Variants in CRABP1 observed in about 807,000 individuals in gnomAD.
CRABP1 encodes the protein cellular retinoic acid binding protein 1, also known as cellular retinoic acid-binding protein 1.
Under a neutral mutation model 16.4 loss-of-function variants are expected in CRABP1, and 9 were observed. The ratio of observed to expected loss-of-function variants is 0.55; its 90% confidence interval spans 0.33 to 0.96. The LOEUF (loss-of-function observed/expected upper bound fraction) is 0.96. CRABP1 is among the 40% of genes least tolerant of loss of function. The pLI, the probability that CRABP1 is intolerant of heterozygous loss-of-function variation, is 0.03. For missense variants in CRABP1, 157 were observed against 186.0 expected (o/e 0.84, Z 0.91); for synonymous variants, 72 against 70.4 (o/e 1.02, Z -0.11).
At chr15:78,344,664 T>C (rs1233416718) in intron 3 of CRABP1, among the ~76,000 whole-genome samples, 1 of 149,930 alleles carries the variant, frequency 6.7e-6, no homozygotes, top group East Asian at 2.0e-4. Context: ...GATTGGTGGC[T>C]CACACCTGTA....
intron 1 of CRABP1, 139 bp from the exon 2 acceptor site, chr15:78,340,904 G>A (rs564293359): frequency 3.3e-6 from 3 of 900,692 alleles, no homozygotes; most frequent in Admixed American, 2.8e-5. Flanking sequence ...CTCTCATCTC[G>A]AAAACAAGGG....
rs1482960191 is a variant in CRABP1 at position 78,341,777 on chromosome 15, G to C, written c.249+556G>C. The stretch of plus-strand genomic sequence containing the variant: ...CTTTCCAAAAGCAAGGCAGGTTCTG[G>C]CTGGGAAAATGGACTAGTTGCCCTC... On this transcript the variant is annotated intron_variant, in intron 2 of 3. Transcript: ENST00000299529. The surrounding 1 kb of genome is among the most constrained non-coding windows in gnomAD (Gnocchi z 5.3). 5.9e-6 allele frequency: 1 copy of C among 170,844 alleles called. No homozygotes were observed. Among genetic ancestry groups the C allele is most frequent in the Non-Finnish European group, 1.3e-5 (1 of 78,616 alleles). 10.6% of individuals were successfully genotyped at this position (170,844 alleles called of 1,614,324 possible). A position where few individuals can be genotyped will look rare whatever the true frequency, so the allele number is the denominator to read the frequency against.
intron 3 of CRABP1, among the ~76,000 whole-genome samples, chr15:78,344,290 G>A (rs111413494): frequency 0.015 from 2,249 of 152,110 alleles, 58 homozygotes; most frequent in African/African-American, 0.052. Context: ...GAGAAACCCC[G>A]TCTCTACTAA....
intron 3 of CRABP1, among the ~76,000 whole-genome samples, chr15:78,345,639 T>G (rs1458706625): frequency 6.6e-6 from 1 of 152,184 alleles, no homozygotes; most frequent in Admixed American, 6.5e-5. Flanking sequence ...TTCTGCTAGA[T>G]GGACCCCATC....
intron 3 of CRABP1, among the ~76,000 whole-genome samples, chr15:78,344,316 C>T (rs879762301): frequency 2.0e-5 from 3 of 152,040 alleles, no homozygotes; most frequent in Non-Finnish European, 2.9e-5. Flanking sequence ...CAAAATTAGC[C>T]GGGCGTGGTG....
intron 1 of CRABP1, 81 bp from the exon 2 acceptor site, chr15:78,340,962 T>G: frequency 7.1e-7 from 1 of 1,403,144 alleles, no homozygotes; most frequent in Non-Finnish European, 9.6e-7. Flanking sequence ...CTTTCTAAAG[T>G]TAGGGTATGA....
At chr15:78,344,234 G>A (rs188089783) in intron 3 of CRABP1, among the ~76,000 whole-genome samples, 65 of 152,264 alleles carry the variant, frequency 4.3e-4, no homozygotes, top group African/African-American at 1.6e-3. Context: ...GCCAAAGCGG[G>A]TGGATCACCT....
At position 78,341,424 on chromosome 15, in the gene CRABP1, C is replaced by G. The variant is rs562464689; in HGVS notation, c.249+203C>G. The stretch of plus-strand genomic sequence containing the variant: ...AAGTATTACCTTCATTCCATCTCAA[C>G]CCCATCCCTACGCTGCCTCCCGGGG... On this transcript the variant is annotated intron_variant, in intron 2 of 3. Transcript: ENST00000299529. This position sits in a 1 kb window ranked among gnomAD's most constrained non-coding sequence, Gnocchi z 5.3. 1.6e-6 allele frequency: 1 copy of G among 623,366 alleles called. No homozygotes were observed. Among genetic ancestry groups the G allele is most frequent in the Admixed American group, 2.5e-5 (1 of 40,052 alleles). 38.6% of individuals were successfully genotyped at this position (623,366 alleles called of 1,614,324 possible). A position where few individuals can be genotyped will look rare whatever the true frequency, so the allele number is the denominator to read the frequency against.
chr15:78,343,716 AC>A (rs2050248809), intron 3 of CRABP1, 104 bp downstream of exon 3: 1 of 767,028 alleles, frequency 1.3e-6, no homozygotes, highest in Non-Finnish European at 2.2e-6. Context: ...AGAGAAAGAC[AC>A]CATTTGCCCT....
rs982780008 is a variant in CRABP1, at chr15:78,340,423, G to A, written c.-6G>A. The A allele has an allele frequency of 1.3e-6, 2 of 1,592,048 alleles. No homozygotes were observed. The highest frequency in any genetic ancestry group is 8.5e-7 in the Non-Finnish European group (1 of 1,171,144). ...GTCCGTACCTGCCGCCGCCGCCACCGCCACCATGCCCAACTTCGCCGGCAC... is the reference window on the plus strand; with the variant it reads ...GTCCGTACCTGCCGCCGCCGCCACCACCACCATGCCCAACTTCGCCGGCAC... On this transcript the variant is annotated 5_prime_UTR_variant, in exon 1 of 4. Coordinates refer to ENST00000299529, the MANE Select transcript of CRABP1 (RefSeq NM_004378.3).
chr15:78,341,106 G>A lies in CRABP1; in HGVS notation c.134G>A (p.Arg45His). 5 of 1,612,818 alleles carry A rather than the reference G, an allele frequency of 3.1e-6. No homozygotes were observed. Among genetic ancestry groups the A allele is most frequent in the Non-Finnish European group, 4.2e-6 (5 of 1,179,796 alleles). The change falls in exon 2 of 4, where the codon CGC becomes CAC. Residue 45 changes from arginine (R) to histidine (H), a missense_variant. Coordinates refer to ENST00000299529, the MANE Select transcript of CRABP1 (RefSeq NM_004378.3). This position sits in a 1 kb window ranked among gnomAD's most constrained non-coding sequence, Gnocchi z 5.3. ...AAASKPHVEI[R>H]QDGDQFYIKT... is the part of the protein sequence containing the mutation. ...GCGTCCAAGCCGCACGTGGAGATCCGCCAGGACGGGGATCAGTTCTACATC... is the reference window on the plus strand; with the variant it reads ...GCGTCCAAGCCGCACGTGGAGATCCACCAGGACGGGGATCAGTTCTACATC...
rs2050234118 is a variant in CRABP1, at chr15:78,341,434, A to G, written c.249+213A>G. 1.4e-5 allele frequency: 8 copies of G among 584,426 alleles called. No homozygotes were observed. Among genetic ancestry groups the G allele is most frequent in the South Asian group, 5.7e-5 (3 of 52,536 alleles). The allele number at this position is 584,426 out of a possible 1,614,324, so 36.2% of individuals were successfully genotyped here. A position where few individuals can be genotyped will look rare whatever the true frequency, so the allele number is the denominator to read the frequency against. ...TTCATTCCATCTCAACCCCATCCCT[A>G]CGCTGCCTCCCGGGGTGCTAACAGC... On this transcript the variant is annotated intron_variant, in intron 2 of 3. Transcript: ENST00000299529. The surrounding 1 kb of genome is among the most constrained non-coding windows in gnomAD (Gnocchi z 5.3).
In CRABP1 at chr15:78,347,011, A is replaced by G. The variant is rs543834011; in HGVS notation, c.364-916A>G. Among the ~76,000 whole-genome samples the G allele has an allele frequency of 4.3e-3, 633 of 147,296 alleles. 8 individuals are homozygous for G. The highest frequency in any genetic ancestry group is 0.015 in the African/African-American group (606 of 40,182). On this transcript the variant is annotated intron_variant, in intron 3 of 3. Coordinates refer to ENST00000299529, the MANE Select transcript of CRABP1 (RefSeq NM_004378.3). ...TGTTTTTGTTTTTTTTTTTTTTAAC[A>G]TACATATTGCTTTCCCTGTTCTAAC...
rs964956884 is a variant in CRABP1, at chr15:78,341,809, T to A, written c.249+588T>A. On this transcript the variant is annotated intron_variant, in intron 2 of 3. Coordinates refer to ENST00000299529, the MANE Select transcript of CRABP1 (RefSeq NM_004378.3). This position sits in a 1 kb window ranked among gnomAD's most constrained non-coding sequence, Gnocchi z 5.3. ...AAATGGACTAGTTGCCCTCTCTTAGTCCTCAAGGGCAAGAGTTTTTTTTTA... is the reference window on the plus strand; with the variant it reads ...AAATGGACTAGTTGCCCTCTCTTAGACCTCAAGGGCAAGAGTTTTTTTTTA... 11 of 162,762 alleles carry A rather than the reference T, an allele frequency of 6.8e-5. No homozygotes were observed. The highest frequency in any genetic ancestry group is 2.6e-4 in the African/African-American group (11 of 41,558). 10.1% of individuals were successfully genotyped at this position (162,762 alleles called of 1,614,324 possible). A position where few individuals can be genotyped will look rare whatever the true frequency, so the allele number is the denominator to read the frequency against.
intron 3 of CRABP1, among the ~76,000 whole-genome samples, chr15:78,346,620 C>T (rs1489227837): frequency 6.6e-6 from 1 of 152,148 alleles, no homozygotes; most frequent in East Asian, 1.9e-4. Flanking sequence ...AGTGAGCTGA[C>T]ATCACACCAT....
chr15:78,342,797 G>T (rs1230807761), intron 2 of CRABP1, among the ~76,000 whole-genome samples: 1 of 152,178 alleles, frequency 6.6e-6, no homozygotes, highest in Non-Finnish European at 1.5e-5. Context: ...TCGTGCTCCT[G>T]ATAGGCTGAT....
In CRABP1 at chr15:78,341,258, C is replaced by G; in HGVS notation, c.249+37C>G. 6.3e-7 allele frequency: 1 copy of G among 1,579,286 alleles called. No homozygotes were observed. The highest frequency in any genetic ancestry group is 1.2e-5 in the South Asian group (1 of 86,518). ...GAGCCACTACAGCGTCCCCGTGTCC[C>G]CGCTCGGTGCCCATGGCCCACTGCT... On this transcript the variant is annotated intron_variant, in intron 2 of 3. Transcript: ENST00000299529. This position sits in a 1 kb window ranked among gnomAD's most constrained non-coding sequence, Gnocchi z 5.3.
chr15:78,347,762 GA>G lies in CRABP1; in HGVS notation c.364-159del, dbSNP rs1317171410. 1.2e-5 allele frequency: 8 copies of G among 657,164 alleles called. No individual in the cohort carries two copies. In the Admixed American group the frequency reaches 1.5e-4, roughly 12 times the overall value. 40.7% of individuals were successfully genotyped at this position (657,164 alleles called of 1,614,324 possible). On this transcript the variant is annotated intron_variant, in intron 3 of 3. Coordinates refer to ENST00000299529, the MANE Select transcript of CRABP1 (RefSeq NM_004378.3). ...CTCTTTACCAATAGCGCTTAAGGGG[GA>G]AAAAATATCCCTTAATGCTTAGCCT...
intron 3 of CRABP1, among the ~76,000 whole-genome samples, chr15:78,346,277 C>T (rs944024532): frequency 6.6e-6 from 1 of 152,330 alleles, no homozygotes; most frequent in Non-Finnish European, 1.5e-5. Flanking sequence ...CCCTAGCATG[C>T]AGAATCACCT....
Sources: gnomAD v4.1 joint callset for allele counts (sites outside exome capture counted in the v4.1 genomes callset) on GRCh38, gnomAD v4.1.1 for gene constraint, Gnocchi (gnomAD v3.1) non-coding constraint, MANE v1.5 for transcripts, NCBI Gene and HGNC (gene_info 2026-07-23, HGNC 2026-07-21) for gene names.